The following EPHA3 variants were observed in gnomAD, a reference collection of about 807,000 sequenced individuals.
EPHA3 encodes ephrin type-A receptor 3.
In EPHA3, 42 loss-of-function variants were observed where a neutral mutation model predicts 107.1. The ratio of observed to expected loss-of-function variants is 0.39; its 90% CI spans 0.31 to 0.51. The LOEUF (loss-of-function observed/expected upper bound fraction) is 0.51, where lower values mean the gene tolerates loss of function less well. Among genes scored for constraint, EPHA3 ranks in the 20% least tolerant of loss-of-function variants. EPHA3 has a pLI of 0.78. For missense variants in EPHA3, 1,183 were observed against 1,211.2 expected (o/e 0.98, Z 0.35); for synonymous variants, 461 against 424.8 (o/e 1.09, Z -1.05).
chr3:89,309,649 G>C (rs1183523029), intron 3 of EPHA3, among the ~76,000 whole-genome samples: 1 of 152,064 alleles, frequency 6.6e-6, no homozygotes, highest in Non-Finnish European at 1.5e-5. Flanking sequence ...CTACTTTACT[G>C]TTGTTATTAT....
intron 13 of EPHA3, among the ~76,000 whole-genome samples, chr3:89,433,393 G>A (rs940810027): frequency 5.3e-5 from 8 of 151,670 alleles, no homozygotes; most frequent in African/African-American, 1.9e-4. Context: ...CTATAATAAA[G>A]AACCTAATAT....
intron 2 of EPHA3, among the ~76,000 whole-genome samples, chr3:89,199,932 C>T (rs998634811): frequency 7.9e-5 from 12 of 152,140 alleles, no homozygotes; most frequent in East Asian, 3.9e-4. Flanking sequence ...TAAAATAGGG[C>T]GCTTACTTGG....
At chr3:89,371,343 CTTTACTCAT>C (rs1708296430) in intron 5 of EPHA3, among the ~76,000 whole-genome samples, 1 of 151,650 alleles carries the variant, frequency 6.6e-6, no homozygotes, top group South Asian at 2.1e-4. Flanking sequence ...AGATTACTCT[CTTTACTCAT>C]TTAATGAACA....
intron 3 of EPHA3, among the ~76,000 whole-genome samples, chr3:89,285,303 T>C (rs1706053735): frequency 6.6e-6 from 1 of 152,162 alleles, no homozygotes; most frequent in Admixed American, 6.6e-5. Context: ...CTTCATTTAC[T>C]CTTTCATTTA....
chr3:89,414,807 G>GA (rs1267946563), intron 10 of EPHA3, among the ~76,000 whole-genome samples: 1 of 151,566 alleles, frequency 6.6e-6, no homozygotes, highest in Non-Finnish European at 1.5e-5. Context: ...GCACACCACT[G>GA]AAAATAGCAG....
chr3:89,148,766 T>C (rs1212753030), intron 2 of EPHA3, among the ~76,000 whole-genome samples: 2 of 152,016 alleles, frequency 1.3e-5, no homozygotes, highest in African/African-American at 4.8e-5. Context: ...TAGAAACAAC[T>C]GGTGAATGCA....
chr3:89,360,647 A>C (rs191148343), intron 5 of EPHA3, among the ~76,000 whole-genome samples: 1 of 151,184 alleles, frequency 6.6e-6, no homozygotes, highest in Non-Finnish European at 1.5e-5. Context: ...CATCTTCCCC[A>C]GATTATCGAA....
chr3:89,458,371 G>A (rs1443199066), intron 15 of EPHA3, among the ~76,000 whole-genome samples: 1 of 152,094 alleles, frequency 6.6e-6, no homozygotes, highest in Non-Finnish European at 1.5e-5. Flanking sequence ...CAGGGTGATA[G>A]GATGAGGTTT....
chr3:89,370,490 T>C (rs1443713961), intron 5 of EPHA3, among the ~76,000 whole-genome samples: 3 of 150,634 alleles, frequency 2.0e-5, no homozygotes, highest in Admixed American at 1.3e-4. Context: ...GGGAACATCA[T>C]ACTCTGGGGA....
intron 3 of EPHA3, among the ~76,000 whole-genome samples, chr3:89,240,350 A>G (rs1166745483): frequency 6.6e-6 from 1 of 152,166 alleles, no homozygotes; most frequent in African/African-American, 2.4e-5. Context: ...AATTAAGACT[A>G]GTAGAAAAAT....
At position 89,210,045 on chromosome 3, in the gene EPHA3, A is replaced by T. The variant is rs752079301; in HGVS notation, c.339A>T (p.Leu113Phe). The T allele has an allele frequency of 1.9e-6, 3 of 1,614,048 alleles. No homozygotes were observed. The highest frequency in any genetic ancestry group is 8.5e-7 in the Non-Finnish European group (1 of 1,179,918). ...LRDCNSIPLV[L>F]GTCKETFNLY... is the part of the protein sequence containing the mutation. ...ACTGCAATAGCATTCCATTGGTTTT[A>T]GGAACTTGCAAGGAGACATTCAACC... is the stretch of plus-strand genomic sequence containing the variant. Residue 113 changes from leucine (L) to phenylalanine (F), a missense_variant, in exon 3 of 17, where the codon TTA (leucine) becomes TTT (phenylalanine). Transcript: ENST00000336596.
chr3:89,196,009 A>C (rs111982732), intron 2 of EPHA3, among the ~76,000 whole-genome samples: 1 of 152,044 alleles, frequency 6.6e-6, no homozygotes, highest in African/African-American at 2.4e-5. Flanking sequence ...GATTGGGCTA[A>C]ACTCTTCAAC....
chr3:89,236,694 C>A (rs987914094), intron 3 of EPHA3, among the ~76,000 whole-genome samples: 2 of 151,122 alleles, frequency 1.3e-5, no homozygotes, highest in South Asian at 2.1e-4. Flanking sequence ...AACTAACCTG[C>A]GCATTGTGCA....
intron 1 of EPHA3, among the ~76,000 whole-genome samples, chr3:89,113,562 G>T (rs76073735): frequency 0.084 from 10,694 of 127,216 alleles, 517 homozygotes; most frequent in Middle Eastern, 0.17. Context: ...CAGGAGAAAA[G>T]AAAATAAAAA....
chr3:89,229,313 T>A (rs1224409587), intron 3 of EPHA3, among the ~76,000 whole-genome samples: 10 of 151,926 alleles, frequency 6.6e-5, no homozygotes, highest in African/African-American at 2.4e-4. Flanking sequence ...TAACTCAAGT[T>A]TGAAGAACTT....
chr3:89,207,042 T>G (rs1706122273), intron 2 of EPHA3, among the ~76,000 whole-genome samples: 1 of 152,134 alleles, frequency 6.6e-6, no homozygotes, highest in Non-Finnish European at 1.5e-5. Flanking sequence ...AATAGTGCTG[T>G]TAACTTGTTT....
intron 5 of EPHA3, among the ~76,000 whole-genome samples, chr3:89,373,108 C>T (rs569071669): frequency 6.6e-6 from 1 of 151,866 alleles, no homozygotes; most frequent in African/African-American, 2.4e-5. Context: ...AGTTTTCACG[C>T]CATAGAGTAT....
At chr3:89,448,153 C>CT (rs1011811544) in intron 13 of EPHA3, among the ~76,000 whole-genome samples, 1 of 152,104 alleles carries the variant, frequency 6.6e-6, no homozygotes, top group African/African-American at 2.4e-5. Flanking sequence ...TCACTACTGT[C>CT]TTTCTACTCA....
rs557871974 is a variant in EPHA3, at chr3:89,176,230, A to G, written c.154-33630A>G. Among the ~76,000 whole-genome samples, 3 of 152,198 alleles carry G rather than the reference A, an allele frequency of 2.0e-5. No individual in the cohort carries two copies. The South Asian group carries it at 6.2e-4, about 32-fold the overall frequency. On this transcript the variant is annotated intron_variant, in intron 2 of 16. Transcript: ENST00000336596. ...GACATGGTGGCTCACAACTGTAATC[A>G]CAGCACTTCAGGAGGCGGAGGCAGG...
Sources: gnomAD v4.1 joint callset for allele counts (sites outside exome capture counted in the v4.1 genomes callset) on GRCh38, gnomAD v4.1.1 for gene constraint, MANE v1.5 for transcripts, NCBI Gene and HGNC (gene_info 2026-07-23, HGNC 2026-07-21) for gene names.